AGAP3: variants seen among roughly 807,000 people sequenced by gnomAD.
The protein encoded by AGAP3 is arf-GAP with GTPase, ANK repeat and PH domain-containing protein 3.
A neutral mutation model predicts 96.9 loss-of-function variants in AGAP3; 24 were observed. The ratio of observed to expected loss-of-function variants is 0.25; its 90% CI spans 0.18 to 0.35. The LOEUF is 0.35. AGAP3 is among the 10% of genes least tolerant of loss of function. AGAP3 has a pLI of 1.00. For missense variants in AGAP3, 876 were observed against 1,254.2 expected (o/e 0.70, Z 4.55); for synonymous variants, 563 against 536.1 (o/e 1.05, Z -0.69).
rs779959430 is a variant in AGAP3, at chr7:151,142,679, T to A, written c.2273+45T>A. The A allele has an allele frequency of 1.3e-6, 2 of 1,574,826 alleles. No individual in the cohort carries two copies. The highest frequency in any genetic ancestry group is 2.2e-5 in the South Asian group (2 of 90,088). On this transcript the variant is annotated intron_variant, in intron 16 of 17. Coordinates refer to ENST00000397238, the MANE Select transcript of AGAP3 (RefSeq NM_031946.7). This position sits in a 1 kb window ranked among gnomAD's most constrained non-coding sequence, Gnocchi z 7.5. Reference sequence around the variant, plus strand: ...GAGCTGGCCAGGAATGGGGGAAGCGTTGGGGGCTCCCAGCATGGGGAAGAT... The same window carrying A: ...GAGCTGGCCAGGAATGGGGGAAGCGATGGGGGCTCCCAGCATGGGGAAGAT...
Position 151,143,544 on chromosome 7 carries a change from T to C in AGAP3, c.2477T>C (p.Leu826Pro). The C allele has an allele frequency of 6.2e-7, 1 of 1,613,542 alleles. No homozygotes were observed. Among genetic ancestry groups the C allele is most frequent in the Non-Finnish European group, 8.5e-7 (1 of 1,179,688 alleles). Residue 826 changes from leucine to proline, a missense_variant, in exon 17 of 18, where the codon CTA (leucine) becomes CCA (proline). Physicochemically the swap from Leu to Pro is moderately conservative, Grantham distance 98. This residue lies in a region of AGAP3 where 213 missense variants were observed against 253.8 expected (regional missense o/e 0.84). Transcript: ENST00000397238. The surrounding 1 kb of genome is among the most constrained non-coding windows in gnomAD (Gnocchi z 5.9). ...GGGGACGGGGACGGGCGGACGGCTC[T>C]ACATCTCTCCAGTGCCATGGCCAAC... ...TYGDGDGRTA[L>P]HLSSAMANVV...
rs1033454583 is a variant in AGAP3, at chr7:151,108,442, C to A, written c.332-8351C>A. ...TGTGGCTCTCTCTGCCACCCGCACC[C>A]CCACCAGCACCTCTGCCGCCTTCTC... On this transcript the variant is annotated intron_variant, in intron 1 of 17. Coordinates refer to ENST00000397238, the MANE Select transcript of AGAP3 (RefSeq NM_031946.7). The surrounding 1 kb of genome is among the most constrained non-coding windows in gnomAD (Gnocchi z 4.2). 1.3e-5 allele frequency among the ~76,000 whole-genome samples: 2 copies of A among 152,164 alleles called. No individual in the cohort carries two copies. Among genetic ancestry groups the A allele is most frequent in the Non-Finnish European group, 2.9e-5 (2 of 68,030 alleles).
At chr7:151,135,015 G>A (rs1305546757) in intron 11 of AGAP3, among the ~76,000 whole-genome samples, 1 of 152,188 alleles carries the variant, frequency 6.6e-6, no homozygotes, top group African/African-American at 2.4e-5. Flanking sequence ...TCTCTGCTCA[G>A]AGAGGACTGA....
chr7:151,131,034 C>T (rs911566641), intron 10 of AGAP3: 3 of 152,302 alleles, frequency 2.0e-5, no homozygotes, highest in African/African-American at 4.8e-5. Context: ...CCAGAGGCTC[C>T]GACAGAACTC....
At chr7:151,134,377 T>C in intron 10 of AGAP3, 23 bp from the exon 11 acceptor site, 1 of 1,612,646 alleles carries the variant, frequency 6.2e-7, no homozygotes, top group Admixed American at 1.7e-5. Context: ...AGTCTTCATC[T>C]GTCTCTCCCA....
chr7:151,134,867 G>A (rs1800533591), intron 11 of AGAP3, among the ~76,000 whole-genome samples: 4 of 152,136 alleles, frequency 2.6e-5, no homozygotes, highest in Non-Finnish European at 2.9e-5. Context: ...CGAGGCAGGC[G>A]ATGGGTGGGG....
rs766030458 is a variant in AGAP3 at position 151,134,538 on chromosome 7, C to T, written c.1465C>T (p.Arg489Trp). The change falls in exon 11 of 18, where the codon CGG becomes TGG. Residue 489 changes from arginine to tryptophan, a missense_variant. Coordinates refer to ENST00000397238, the MANE Select transcript of AGAP3 (RefSeq NM_031946.7). The stretch of plus-strand genomic sequence containing the variant: ...CCGTGCCAACGGGCTGTCCGTGGAG[C>T]GGAGTAACACACAGCTGGGTGGGGG... ...SPRANGLSVE[R>W]SNTQLGGGTG... 51 of 1,612,450 alleles carry T rather than the reference C, an allele frequency of 3.2e-5. No individual in the cohort carries two copies. The highest frequency in any genetic ancestry group is 1.5e-4 in the Admixed American group (9 of 59,934).
At position 151,118,160 on chromosome 7, in the gene AGAP3, C is replaced by T. The variant is rs746424101; in HGVS notation, c.707-50C>T. 8.9e-6 allele frequency: 14 copies of T among 1,569,474 alleles called. No individual in the cohort carries two copies. Among genetic ancestry groups the T allele is most frequent in the Non-Finnish European group, 9.5e-6 (11 of 1,152,412 alleles). On this transcript the variant is annotated intron_variant, in intron 5 of 17. Coordinates refer to ENST00000397238, the MANE Select transcript of AGAP3 (RefSeq NM_031946.7). The surrounding 1 kb of genome is among the most constrained non-coding windows in gnomAD (Gnocchi z 6.1). ...GGGCCAAATGCCCCCCACCACACTA[C>T]CCCAGCTTCTCCGAAAGCTGAATGA...
In AGAP3 at chr7:151,118,314, G is replaced by A. The variant is rs1253709451; in HGVS notation, c.811G>A (p.Gly271Arg). Residue 271 changes from glycine (G) to arginine (R), a missense_variant, in exon 6 of 18, where the codon GGG becomes AGG. Coordinates refer to ENST00000397238, the MANE Select transcript of AGAP3 (RefSeq NM_031946.7). The surrounding 1 kb of genome is among the most constrained non-coding windows in gnomAD (Gnocchi z 6.1). The part of the protein sequence containing the change: ...CTYYETCATY[G>R]LNVERVFQDV... ...CTACTATGAGACGTGCGCGACCTAC[G>A]GGCTCAATGTGGAGCGTGTCTTCCA... 1 of 1,612,734 alleles carries A rather than the reference G, an allele frequency of 6.2e-7. No individual in the cohort carries two copies. Among genetic ancestry groups the A allele is most frequent in the Admixed American group, 1.7e-5 (1 of 59,986 alleles).
rs2150472498 is a variant in AGAP3 at position 151,118,156 on chromosome 7, A to G, written c.707-54A>G. On this transcript the variant is annotated intron_variant, in intron 5 of 17. Coordinates refer to ENST00000397238, the MANE Select transcript of AGAP3 (RefSeq NM_031946.7). This position sits in a 1 kb window ranked among gnomAD's most constrained non-coding sequence, Gnocchi z 6.1. ...CCTTGGGCCAAATGCCCCCCACCAC[A>G]CTACCCCAGCTTCTCCGAAAGCTGA... 6.4e-7 allele frequency: 1 copy of G among 1,561,004 alleles called. No homozygotes were observed. The highest frequency in any genetic ancestry group is 8.7e-7 in the Non-Finnish European group (1 of 1,148,056).
intron 10 of AGAP3, among the ~76,000 whole-genome samples, chr7:151,132,990 G>T (rs1190975108): frequency 6.6e-6 from 1 of 152,180 alleles, no homozygotes; most frequent in Non-Finnish European, 1.5e-5. Context: ...GCAGTCTGAT[G>T]GCCAGTGCGG....
chr7:151,109,136 T>C (rs1563451435), intron 1 of AGAP3, among the ~76,000 whole-genome samples: 1 of 138,374 alleles, frequency 7.2e-6, no homozygotes, highest in East Asian at 2.1e-4. Context: ...TAGACCAGCA[T>C]AGGCAGCATA....
intron 1 of AGAP3, chr7:151,115,100 G>T (rs1480366587): frequency 9.7e-7 from 1 of 1,029,514 alleles, no homozygotes; most frequent in South Asian, 3.4e-5. Context: ...CGCCGACCCG[G>T]CGCAGCCGCA....
intron 1 of AGAP3, among the ~76,000 whole-genome samples, chr7:151,105,987 C>T (rs1460037404): frequency 6.6e-6 from 1 of 151,274 alleles, no homozygotes; most frequent in Non-Finnish European, 1.5e-5. Context: ...ACCAACCAAT[C>T]TGAGGTTTAA....
intron 1 of AGAP3, among the ~76,000 whole-genome samples, chr7:151,105,831 C>CAG (rs1347760602): frequency 3.6e-5 from 5 of 137,548 alleles, no homozygotes; most frequent in Non-Finnish European, 7.7e-5. Flanking sequence ...CACACACACA[C>CAG]AGTCAAGCAT....
chr7:151,110,284 G>A (rs997279982), intron 1 of AGAP3, among the ~76,000 whole-genome samples: 1 of 152,368 alleles, frequency 6.6e-6, no homozygotes, highest in Non-Finnish European at 1.5e-5. Flanking sequence ...GCCTGGCAGA[G>A]TTCTGTTGTG....
intron 1 of AGAP3, among the ~76,000 whole-genome samples, chr7:151,093,546 C>G (rs1798479488): frequency 6.6e-6 from 1 of 152,192 alleles, no homozygotes. Flanking sequence ...AGGTGGCTGC[C>G]CGGCCTCCCC....
At chr7:151,128,724 A>G in intron 10 of AGAP3, 40 bp downstream of exon 10, 1 of 1,099,032 alleles carries the variant, frequency 9.1e-7, no homozygotes, top group Non-Finnish European at 1.4e-6. Context: ...GAGTATGGGG[A>G]GGGGGTGGAG....
intron 8 of AGAP3, chr7:151,123,574 C>T: frequency 2.2e-6 from 3 of 1,382,458 alleles, no homozygotes; most frequent in Non-Finnish European, 2.8e-6. Flanking sequence ...AAGGGGCGGG[C>T]CCGGCTCAGT....
Sources: allele counts gnomAD v4.1 joint callset (sites outside exome capture counted in the v4.1 genomes callset), GRCh38; gene constraint gnomAD v4.1.1; regional missense constraint gnomAD v4.1.1; non-coding constraint Gnocchi (gnomAD v3.1); transcripts MANE v1.5; gene names NCBI Gene and HGNC (gene_info 2026-07-23, HGNC 2026-07-21).